GIGYF2: variants seen among roughly 807,000 people sequenced by gnomAD.
GIGYF2 encodes GRB10 interacting GYF protein 2, also known as GRB10-interacting GYF protein 2.
A neutral mutation model predicts 208.1 loss-of-function variants in GIGYF2; 25 were observed. That is an observed-to-expected ratio of 0.12 (90% CI 0.09 to 0.17). GIGYF2 has a LOEUF of 0.17. GIGYF2 is among the 10% of genes least tolerant of loss of function. The pLI is 1.00. For synonymous variants in GIGYF2, 534 were observed against 543.8 expected, an observed-to-expected ratio of 0.98 and a Z score of 0.25; for missense variants, 1,302 against 1,579.4, an observed-to-expected ratio of 0.82 and a Z score of 2.98.
chr2:232,796,047 T>G lies in GIGYF2; in HGVS notation c.1480-15T>G, dbSNP rs779488202. ...GGATCATTTGTTTCCTTGATTTTTG[T>G]TTTTCTGTTACTAGCAAGCTGAGAA... On this transcript the variant is annotated splice_polypyrimidine_tract_variant and intron_variant, in intron 13 of 28. Coordinates refer to ENST00000373563, the MANE Select transcript of GIGYF2 (RefSeq NM_001103146.3). 2.5e-6 allele frequency: 4 copies of G among 1,600,454 alleles called. No individual in the cohort carries two copies. Among genetic ancestry groups the G allele is most frequent in the Admixed American group, 1.7e-5 (1 of 59,966 alleles).
intron 22 of GIGYF2, among the ~76,000 whole-genome samples, chr2:232,836,131 T>C (rs1427800438): frequency 6.7e-6 from 1 of 149,484 alleles, no homozygotes; most frequent in East Asian, 2.0e-4. Context: ...GGGAAATGGG[T>C]TAAAATTGTC....
At chr2:232,797,056 C>T (rs1700243284) in intron 14 of GIGYF2, among the ~76,000 whole-genome samples, 2 of 147,974 alleles carry the variant, frequency 1.4e-5, no homozygotes, top group African/African-American at 5.0e-5. Context: ...GTGATGGCAG[C>T]AGTAGTGTTG....
intron 22 of GIGYF2, among the ~76,000 whole-genome samples, chr2:232,834,061 A>G (rs542878318): frequency 1.3e-5 from 2 of 152,208 alleles, no homozygotes; most frequent in African/African-American, 2.4e-5. Context: ...TGCCTGCCAG[A>G]TAAGTTTCAG....
At chr2:232,706,729 G>A (rs1478017573) in intron 2 of GIGYF2, among the ~76,000 whole-genome samples, 6 of 152,050 alleles carry the variant, frequency 3.9e-5, no homozygotes, top group South Asian at 2.1e-4. Context: ...GCAGTGAGCC[G>A]AGATTGAGCC....
intron 21 of GIGYF2, among the ~76,000 whole-genome samples, chr2:232,828,357 T>A (rs1414407562): frequency 6.6e-6 from 1 of 151,812 alleles, no homozygotes; most frequent in East Asian, 1.9e-4. Context: ...TCCCAATTTT[T>A]AAAAATTTAT....
rs1335240460 is a variant in GIGYF2 at position 232,791,298 on chromosome 2, T to C, written c.1134T>C (p.Ala378=). The change falls in exon 12 of 29, where the codon GCT becomes GCC. Residue 378 remains alanine, a synonymous_variant. Coordinates refer to ENST00000373563, the MANE Select transcript of GIGYF2 (RefSeq NM_001103146.3). ...EETPQTSSSS[A]RPGTPSDHQS... ...CTCCCCAGACCTCATCATCATCTGC[T>C]AGACCAGGTACTCCTTCAGACCATC... The C allele has an allele frequency of 6.2e-7, 1 of 1,613,960 alleles. No homozygotes were observed. The highest frequency in any genetic ancestry group is 1.7e-5 in the Admixed American group (1 of 60,002).
rs202208870 is a variant in GIGYF2, at chr2:232,806,478, G to C, written c.1640-13G>C. The C allele has an allele frequency of 2.7e-5, 42 of 1,567,810 alleles. No individual in the cohort carries two copies. In the East Asian group the frequency reaches 7.4e-4, roughly 28 times the overall value. ...TTTCTTATTGTCTTTCTGTTTAATT[G>C]GTGCTGTTATAGGTCCCTTCAATAA... On this transcript the variant is annotated splice_polypyrimidine_tract_variant and intron_variant, in intron 14 of 28. Transcript: ENST00000373563. The surrounding 1 kb of genome is among the most constrained non-coding windows in gnomAD (Gnocchi z 4.0).
At chr2:232,816,634 G>C (rs1298091961) in intron 19 of GIGYF2, among the ~76,000 whole-genome samples, 1 of 152,134 alleles carries the variant, frequency 6.6e-6, no homozygotes. Context: ...AGCTCTTACA[G>C]GGTGTTGATG....
At chr2:232,768,830 T>C in intron 8 of GIGYF2, 1 of 1,595,968 alleles carries the variant, frequency 6.3e-7, no homozygotes, top group Non-Finnish European at 8.6e-7. Context: ...AAGAAATTAT[T>C]GATTTTTTTT....
At chr2:232,716,172 T>C (rs184253220) in intron 2 of GIGYF2, among the ~76,000 whole-genome samples, 77 of 152,236 alleles carry the variant, frequency 5.1e-4, no homozygotes, top group African/African-American at 1.7e-3. Flanking sequence ...TTTACTATTA[T>C]AAGTAATGTG....
At chr2:232,714,764 A>T (rs981321822) in intron 2 of GIGYF2, among the ~76,000 whole-genome samples, 1 of 151,654 alleles carries the variant, frequency 6.6e-6, no homozygotes, top group Non-Finnish European at 1.5e-5. Flanking sequence ...ATTCATGTAA[A>T]TGGAAATCAT....
rs1690262490 is a variant in GIGYF2, at chr2:232,850,254, T to C, written c.3685-8T>C. On this transcript the variant is annotated splice_region_variant and splice_polypyrimidine_tract_variant and intron_variant, in intron 27 of 28. Coordinates refer to ENST00000373563, the MANE Select transcript of GIGYF2 (RefSeq NM_001103146.3). ...TGTGTAATCTCAGTCATGCTGCTTA[T>C]TTCACAGGACTCTGTGTGGGGGATG... 2 of 1,612,024 alleles carry C rather than the reference T, an allele frequency of 1.2e-6. No individual in the cohort carries two copies. The highest frequency in any genetic ancestry group is 1.7e-6 in the Non-Finnish European group (2 of 1,178,146).
chr2:232,817,864 C>T (rs1700960971), intron 20 of GIGYF2, among the ~76,000 whole-genome samples: 2 of 152,024 alleles, frequency 1.3e-5, no homozygotes, highest in African/African-American at 4.8e-5. Flanking sequence ...TGTTTGAGTC[C>T]TTGCTTTCAA....
chr2:232,783,085 G>A (rs1446877960), intron 8 of GIGYF2, among the ~76,000 whole-genome samples: 4 of 152,282 alleles, frequency 2.6e-5, no homozygotes, highest in African/African-American at 9.6e-5. Context: ...AAATGAGCAC[G>A]GCCTCTGGAG....
chr2:232,703,742 T>C (rs972983309), intron 2 of GIGYF2, among the ~76,000 whole-genome samples: 2 of 152,208 alleles, frequency 1.3e-5, no homozygotes, highest in South Asian at 2.1e-4. Flanking sequence ...GGAGGAATGC[T>C]TTGGAGGCAG....
At chr2:232,759,578 A>G (rs1698669806) in intron 6 of GIGYF2, among the ~76,000 whole-genome samples, 1 of 152,154 alleles carries the variant, frequency 6.6e-6, no homozygotes, top group Non-Finnish European at 1.5e-5. Flanking sequence ...TTGTTATTGA[A>G]CAGAATAATG....
rs561398421 is a variant in GIGYF2 at position 232,761,392 on chromosome 2, C to T, written c.492-4C>T. 4.3e-5 allele frequency: 69 copies of T among 1,597,904 alleles called. No homozygotes were observed. The South Asian group carries it at 6.9e-4, about 16-fold the overall frequency. On this transcript the variant is annotated splice_region_variant and splice_polypyrimidine_tract_variant and intron_variant, in intron 7 of 28. Transcript: ENST00000373563. ...TTGTTTGAAACTTATTTTTTCTTTTCCAGGGGTGACAGACGTTTTGAAAAA... is the reference window on the plus strand; with the variant it reads ...TTGTTTGAAACTTATTTTTTCTTTTTCAGGGGTGACAGACGTTTTGAAAAA...
At chr2:232,836,307 TA>T (rs2106413436) in intron 22 of GIGYF2, among the ~76,000 whole-genome samples, 1 of 20,016 alleles carries the variant, frequency 5.0e-5, no homozygotes, top group African/African-American at 1.8e-4. Flanking sequence ...TATATATATA[TA>T]TATATATATA....
chr2:232,795,290 A>C (rs1700190293), intron 13 of GIGYF2, among the ~76,000 whole-genome samples: 2 of 152,322 alleles, frequency 1.3e-5, no homozygotes, highest in South Asian at 4.1e-4. Flanking sequence ...CAAGTATAAC[A>C]GGGAAAATAG....
Sources: allele counts gnomAD v4.1 joint callset (sites outside exome capture counted in the v4.1 genomes callset), GRCh38; gene constraint gnomAD v4.1.1; non-coding constraint Gnocchi (gnomAD v3.1); transcripts MANE v1.5; gene names NCBI Gene and HGNC (gene_info 2026-07-23, HGNC 2026-07-21).